The following GAPVD1 variants were observed in gnomAD, a reference collection of about 807,000 sequenced individuals.
GAPVD1 encodes GTPase-activating protein and VPS9 domain-containing protein 1.
GAPVD1 carries 35 observed loss-of-function variants against 155.5 expected under a neutral mutation model. That is an observed-to-expected ratio of 0.23 (90% CI 0.17 to 0.30). The LOEUF is 0.30. Among genes scored for constraint, GAPVD1 ranks in the 10% least tolerant of loss-of-function variants. GAPVD1 has a pLI of 1.00. For missense variants in GAPVD1, 1,429 were observed against 1,775.7 expected (o/e 0.80, Z 3.51); for synonymous variants, 636 against 619.7 (o/e 1.03, Z -0.39).
At position 125,367,203 on chromosome 9, in the gene GAPVD1, C is replaced by T. The variant is rs1230680975; in HGVS notation, c.*4457C>T. The T allele has an allele frequency of 1.3e-5, 2 of 152,102 alleles. No homozygotes were observed. The highest frequency in any genetic ancestry group is 6.6e-5 in the Admixed American group (1 of 15,260). 9.4% of individuals were successfully genotyped at this position (152,102 alleles called of 1,614,324 possible). On this transcript the variant is annotated 3_prime_UTR_variant, in exon 28 of 28. Coordinates refer to ENST00000297933, the MANE Select transcript of GAPVD1 (RefSeq NM_001282680.3). ...TAAAAGGGGAGAGCAGTTTGATTCA[C>T]AGGGTTTTATGTTTCTGTCATCTAT...
intron 2 of GAPVD1, among the ~76,000 whole-genome samples, chr9:125,278,173 A>G (rs550843721): frequency 1.3e-5 from 2 of 152,300 alleles, no homozygotes; most frequent in East Asian, 3.9e-4. Flanking sequence ...TGCAAGAGAC[A>G]CTCATCTATT....
chr9:125,293,681 A>G (rs1432630738), intron 2 of GAPVD1, among the ~76,000 whole-genome samples: 2 of 127,202 alleles, frequency 1.6e-5, no homozygotes, highest in East Asian at 2.4e-4. Context: ...ATAAAAATAT[A>G]TATATTATAT....
At chr9:125,286,109 T>C (rs1359585670) in intron 2 of GAPVD1, among the ~76,000 whole-genome samples, 1 of 151,814 alleles carries the variant, frequency 6.6e-6, no homozygotes, top group Non-Finnish European at 1.5e-5. Context: ...CACCTGGCCA[T>C]ATATATATTA....
rs202131359 is a variant in GAPVD1 at position 125,291,293 on chromosome 9, G to GA, written c.-149-4157dup. Among the ~76,000 whole-genome samples, 261 of 151,830 alleles carry GA rather than the reference G, an allele frequency of 1.7e-3. 1 individual carries two copies. The highest frequency in any genetic ancestry group is 5.9e-3 in the African/African-American group (244 of 41,446). On this transcript the variant is annotated intron_variant, in intron 2 of 27. Transcript: ENST00000297933. ...CAGAGAAAGACCTTATCTAAGGGAA[G>GA]AAAAAAAAGGATACTAGCGTTGTCA...
chr9:125,305,987 T>C (rs80219464), intron 6 of GAPVD1, among the ~76,000 whole-genome samples: 1 of 152,312 alleles, frequency 6.6e-6, no homozygotes, highest in African/African-American at 2.4e-5. Context: ...GTTTATAAGT[T>C]AACATCTATG....
chr9:125,357,658 T>C (rs1362677953), intron 25 of GAPVD1, among the ~76,000 whole-genome samples: 3 of 152,102 alleles, frequency 2.0e-5, no homozygotes, highest in Non-Finnish European at 4.4e-5. Context: ...TTGTGAGTTA[T>C]ATCTCAATAA....
chr9:125,305,619 T>G (rs1457066793), intron 6 of GAPVD1, among the ~76,000 whole-genome samples: 1 of 152,148 alleles, frequency 6.6e-6, no homozygotes, highest in African/African-American at 2.4e-5. Flanking sequence ...TCCACCTGCC[T>G]CGGCCTCCCA....
At chr9:125,296,181 CTTT>C (rs780590608) in intron 3 of GAPVD1, among the ~76,000 whole-genome samples, 7 of 140,124 alleles carry the variant, frequency 5.0e-5, no homozygotes, top group Admixed American at 7.2e-5. Flanking sequence ...TTCTTTCTTC[CTTT>C]TTTTTTTTTT....
rs533388294 is a variant in GAPVD1 at position 125,272,535 on chromosome 9, G to C, written c.-150+3551G>C. Among the ~76,000 whole-genome samples, 196 of 152,270 alleles carry C rather than the reference G, an allele frequency of 1.3e-3. 1 individual carries two copies. The highest frequency in any genetic ancestry group is 3.3e-3 in the South Asian group (16 of 4,824). On this transcript the variant is annotated intron_variant, in intron 2 of 27. Coordinates refer to ENST00000297933, the MANE Select transcript of GAPVD1 (RefSeq NM_001282680.3). ...TTCCTTAGTTTGAAAACATTACCAT[G>C]ATAATAGTAATGGTAATAGCTGACA...
chr9:125,354,866 C>T (rs1259582223), intron 24 of GAPVD1, 25 bp downstream of exon 24: 2 of 1,489,494 alleles, frequency 1.3e-6, no homozygotes, highest in Admixed American at 3.3e-5. Context: ...TTAGTTTAAG[C>T]ATCTCTTCAC....
At chr9:125,307,929 A>G (rs761905937) in intron 8 of GAPVD1, 49 bp downstream of exon 8, 9 of 1,270,592 alleles carry the variant, frequency 7.1e-6, no homozygotes, top group African/African-American at 2.9e-5. Context: ...CTAATATTTC[A>G]TTAGCCTTTG....
chr9:125,352,537 C>T (rs1324366361), intron 23 of GAPVD1, among the ~76,000 whole-genome samples: 3 of 152,218 alleles, frequency 2.0e-5, no homozygotes, highest in Non-Finnish European at 4.4e-5. Context: ...GGCACCAAGT[C>T]CCTAGGCTGC....
chr9:125,302,471 G>C lies in GAPVD1; in HGVS notation c.674G>C (p.Arg225Thr). The C allele has an allele frequency of 4.3e-6, 7 of 1,613,550 alleles. No homozygotes were observed. Among genetic ancestry groups the C allele is most frequent in the Non-Finnish European group, 5.9e-6 (7 of 1,179,814 alleles). ...LETDPNKLIE[R>T]FSPSQQEKLF... is the part of the protein sequence containing the mutation. Reference sequence around the variant, plus strand: ...ACAGATCCAAACAAGCTAATTGAGAGGTTCTCTCCATCTCAGCAGGAAAAA... The same window carrying C: ...ACAGATCCAAACAAGCTAATTGAGACGTTCTCTCCATCTCAGCAGGAAAAA... The change falls in exon 5 of 28, where the codon AGG becomes ACG. Residue 225 changes from arginine to threonine, a missense_variant. This residue lies in a region of GAPVD1 where 628 missense variants were observed against 733.4 expected (regional missense o/e 0.86). Coordinates refer to ENST00000297933, the MANE Select transcript of GAPVD1 (RefSeq NM_001282680.3).
At chr9:125,307,139 C>T (rs1025391977) in intron 6 of GAPVD1, among the ~76,000 whole-genome samples, 1 of 151,834 alleles carries the variant, frequency 6.6e-6, no homozygotes, top group African/African-American at 2.4e-5. Context: ...GGTCGTGGCA[C>T]CTATAATCCC....
chr9:125,281,522 C>T (rs1204468047), intron 2 of GAPVD1, among the ~76,000 whole-genome samples: 1 of 152,070 alleles, frequency 6.6e-6, no homozygotes, highest in Non-Finnish European at 1.5e-5. Context: ...GCATCAAGAT[C>T]AATTCTTCAT....
At position 125,263,860 on chromosome 9, in the gene GAPVD1, G is replaced by T. The variant is rs1018580359; in HGVS notation, c.-199+1901G>T. The T allele has an allele frequency of 1.9e-4, 257 of 1,322,586 alleles. 1 individual carries two copies. Among genetic ancestry groups the T allele is most frequent in the Non-Finnish European group, 2.5e-4 (233 of 920,904 alleles). 81.9% of individuals were successfully genotyped at this position (1,322,586 alleles called of 1,614,324 possible). A position where few individuals can be genotyped will look rare whatever the true frequency, so the allele number is the denominator to read the frequency against. On this transcript the variant is annotated intron_variant, in intron 1 of 27. Coordinates refer to ENST00000297933, the MANE Select transcript of GAPVD1 (RefSeq NM_001282680.3). ...TACAGTCTCCGGGGGGCAGATGAAG[G>T]TAATCCCGGAGATACTGGATACCCT... is the stretch of plus-strand genomic sequence containing the variant.
rs555200577 is a variant in GAPVD1, at chr9:125,337,266, C to T, written c.2552C>T (p.Ser851Leu). The T allele has an allele frequency of 1.6e-4, 263 of 1,614,080 alleles. 2 individuals carry two copies. In the South Asian group the frequency reaches 1.9e-3, roughly 12 times the overall value. The change falls in exon 17 of 28, where the codon TCG becomes TTG. Residue 851 changes from serine to leucine, a missense_variant. Coordinates refer to ENST00000297933, the MANE Select transcript of GAPVD1 (RefSeq NM_001282680.3). The part of the protein sequence containing the change: ...VRPKVHYARP[S>L]HPPPDPPILE... The stretch of plus-strand genomic sequence containing the variant: ...CCAAAGGTTCACTATGCTAGGCCAT[C>T]GCATCCACCACCAGATCCCCCAATC...
rs200602496 is a variant in GAPVD1 at position 125,337,607 on chromosome 9, C to T, written c.2877+16C>T. ...AAGAGGAGAGGTATGGGACATAGGC[C>T]GTGAAAAAGAATTATGTTCTGCCTG... is the stretch of plus-strand genomic sequence containing the variant. On this transcript the variant is annotated intron_variant, in intron 17 of 27. Transcript: ENST00000297933. 2.4e-5 allele frequency: 38 copies of T among 1,589,852 alleles called. No homozygotes were observed. In the East Asian group the frequency reaches 2.5e-4, roughly 10 times the overall value.
At chr9:125,322,097 G>A (rs529400817) in intron 10 of GAPVD1, among the ~76,000 whole-genome samples, 17 of 151,482 alleles carry the variant, frequency 1.1e-4, no homozygotes, top group Non-Finnish European at 1.5e-4. Flanking sequence ...ACAGAGTCTC[G>A]TTCGTTGCCC....
Sources: allele counts gnomAD v4.1 joint callset (sites outside exome capture counted in the v4.1 genomes callset), GRCh38; gene constraint gnomAD v4.1.1; regional missense constraint gnomAD v4.1.1; transcripts MANE v1.5; gene names NCBI Gene and HGNC (gene_info 2026-07-23, HGNC 2026-07-21).